RPS6KA2: variants seen among roughly 807,000 people sequenced by gnomAD.
RPS6KA2 encodes the protein ribosomal protein S6 kinase A2, also known as ribosomal protein S6 kinase alpha-2.
In RPS6KA2, 42 loss-of-function variants were observed where a neutral mutation model predicts 91.8. The ratio of observed to expected loss-of-function variants is 0.46; its 90% CI spans 0.36 to 0.59. The LOEUF (loss-of-function observed/expected upper bound fraction) is 0.59. Among genes scored for constraint, RPS6KA2 ranks in the 20% least tolerant of loss-of-function variants. The pLI, the probability that RPS6KA2 is intolerant of heterozygous loss-of-function variation, is 0.00. For missense variants in RPS6KA2, 798 were observed against 978.5 expected, an observed-to-expected ratio of 0.82 and a Z score of 2.46; for synonymous variants, 414 against 393.6, an observed-to-expected ratio of 1.05 and a Z score of -0.61.
At chr6:166,640,999 C>T (rs1418698185) in intron 2 of RPS6KA2, among the ~76,000 whole-genome samples, 1 of 152,216 alleles carries the variant, frequency 6.6e-6, no homozygotes, top group Non-Finnish European at 1.5e-5. Context: ...CCAAAATCCT[C>T]ACTGCTAGTA....
chr6:166,859,942 G>C (rs1781005038), intron 1 of RPS6KA2, among the ~76,000 whole-genome samples: 1 of 152,190 alleles, frequency 6.6e-6, no homozygotes, highest in Non-Finnish European at 1.5e-5. Flanking sequence ...GATGAGAAAA[G>C]CATGCAGGCT....
In RPS6KA2 at chr6:166,563,090, G is replaced by A. The variant is rs1395546098; in HGVS notation, c.100-24306C>T. ...AAGCTCTTCTAGCTTTTAGTCCTTG[G>A]AGTCCCTTCCAGTGTGTGGAAGAGA... On this transcript the variant is annotated intron_variant, in intron 1 of 20. Transcript: ENST00000265678. This position sits in a 1 kb window ranked among gnomAD's most constrained non-coding sequence, Gnocchi z 4.1. 1.3e-5 allele frequency among the ~76,000 whole-genome samples: 2 copies of A among 152,214 alleles called. No individual in the cohort carries two copies. The highest frequency in any genetic ancestry group is 2.4e-5 in the African/African-American group (1 of 41,464).
chr6:166,650,367 C>A (rs900959483), intron 2 of RPS6KA2, among the ~76,000 whole-genome samples: 1 of 151,642 alleles, frequency 6.6e-6, no homozygotes, highest in African/African-American at 2.4e-5. Context: ...AGGGGGCATT[C>A]TCCAGCTGTC....
chr6:166,628,080 G>T (rs1184139894), upstream of RPS6KA2: 1 of 152,278 alleles, frequency 6.6e-6, no homozygotes, highest in Non-Finnish European at 1.5e-5. Context: ...TCTAGGAAAC[G>T]TCTACACAGA....
intron 2 of RPS6KA2, among the ~76,000 whole-genome samples, chr6:166,806,398 C>G (rs1306937686): frequency 6.6e-6 from 1 of 152,172 alleles, no homozygotes; most frequent in Non-Finnish European, 1.5e-5. Context: ...TCATCACATA[C>G]AGAGGGATCC....
chr6:166,456,746 A>G (rs1050341334), intron 12 of RPS6KA2, among the ~76,000 whole-genome samples: 3 of 152,258 alleles, frequency 2.0e-5, no homozygotes, highest in Non-Finnish European at 4.4e-5. Context: ...ACTCTCCTGT[A>G]CAAATCAGAA....
intron 10 of RPS6KA2, among the ~76,000 whole-genome samples, chr6:166,483,141 G>A (rs1178156567): frequency 6.6e-6 from 1 of 152,214 alleles, no homozygotes; most frequent in East Asian, 1.9e-4. Context: ...GCCACACCAG[G>A]TAAGAGACCA....
At chr6:166,536,782 C>G (rs1234615955) in intron 2 of RPS6KA2, among the ~76,000 whole-genome samples, 1 of 152,138 alleles carries the variant, frequency 6.6e-6, no homozygotes, top group South Asian at 2.1e-4. Context: ...TTTCCCCTAC[C>G]TACTACTGTT....
chr6:166,492,693 A>T (rs542732641), intron 8 of RPS6KA2, among the ~76,000 whole-genome samples: 1 of 149,362 alleles, frequency 6.7e-6, no homozygotes, highest in South Asian at 2.1e-4. Flanking sequence ...TCTTGCATAC[A>T]TTTGTTTGGT....
At chr6:166,613,809 T>TTCAGGACACAGTCGGGCTTTC (rs1562341876) in intron 1 of RPS6KA2, among the ~76,000 whole-genome samples, 21 of 104,722 alleles carry the variant, frequency 2.0e-4, no homozygotes, top group Non-Finnish European at 2.9e-4. Flanking sequence ...GTCGGGCTTT[T>TTCAGGACACAGTCGGGCTTTC]CACGGCCTTC....
Position 166,626,449 on chromosome 6 carries a change from G to C in RPS6KA2, c.99+472C>G, listed in dbSNP as rs1786878599. ...CTACACTGACTTCAAGTGCACGAAT[G>C]AGCTACAAGATAAGGTGGAACCTGC... is the stretch of plus-strand genomic sequence containing the variant. On this transcript the variant is annotated intron_variant, in intron 1 of 20. Transcript: ENST00000265678. This position sits in a 1 kb window ranked among gnomAD's most constrained non-coding sequence, Gnocchi z 4.1. 6.6e-6 allele frequency among the ~76,000 whole-genome samples: 1 copy of C among 152,244 alleles called. No individual in the cohort carries two copies. Among genetic ancestry groups the C allele is most frequent in the Non-Finnish European group, 1.5e-5 (1 of 68,034 alleles).
chr6:166,591,277 C>T (rs1372015018), intron 1 of RPS6KA2, among the ~76,000 whole-genome samples: 2 of 152,188 alleles, frequency 1.3e-5, no homozygotes, highest in African/African-American at 2.4e-5. Context: ...CAGTGCCACA[C>T]TGGAGTGCCT....
intron 2 of RPS6KA2, among the ~76,000 whole-genome samples, chr6:166,837,010 G>A (rs542174318): frequency 3.9e-5 from 6 of 152,310 alleles, no homozygotes; most frequent in Non-Finnish European, 4.4e-5. Context: ...CCAGCACAGC[G>A]GGATTTCCAG....
chr6:166,594,766 C>A (rs1036940775), intron 1 of RPS6KA2, among the ~76,000 whole-genome samples: 44 of 152,164 alleles, frequency 2.9e-4, no homozygotes, highest in African/African-American at 9.9e-4. Flanking sequence ...CCAGCCCAAA[C>A]ACACAGATTT....
chr6:166,430,316 A>G (rs1779077686), intron 16 of RPS6KA2, 137 bp downstream of exon 16: 1 of 829,780 alleles, frequency 1.2e-6, no homozygotes, highest in African/African-American at 1.7e-5. Context: ...CTCCAGACAC[A>G]AGAGAGACGA....
Position 166,434,154 on chromosome 6 carries a change from G to A in RPS6KA2, c.1333-1664C>T, listed in dbSNP as rs548225591. ...CACCCTTCGTCCACTCCCCGTCACC[G>A]TTATAAAAACTCACCATAGTGCCAG... On this transcript the variant is annotated intron_variant, in intron 14 of 20. Coordinates refer to ENST00000265678, the MANE Select transcript of RPS6KA2 (RefSeq NM_021135.6). The surrounding 1 kb of genome is among the most constrained non-coding windows in gnomAD (Gnocchi z 4.4). Among the ~76,000 whole-genome samples the A allele has an allele frequency of 2.6e-5, 4 of 152,204 alleles. No individual in the cohort carries two copies. The highest frequency in any genetic ancestry group is 2.1e-4 in the South Asian group (1 of 4,818).
chr6:166,444,333 C>T (rs1392417027), intron 14 of RPS6KA2, among the ~76,000 whole-genome samples: 1 of 152,126 alleles, frequency 6.6e-6, no homozygotes, highest in African/African-American at 2.4e-5. Context: ...TGCAGCCATC[C>T]GTCATGCTAT....
chr6:166,457,603 C>T (rs567350535), intron 12 of RPS6KA2, among the ~76,000 whole-genome samples: 20 of 152,282 alleles, frequency 1.3e-4, no homozygotes, highest in East Asian at 5.8e-4. Context: ...ACTGAGCAGC[C>T]GGTGGCATGA....
chr6:166,689,718 A>G (rs1789144845), intron 2 of RPS6KA2, among the ~76,000 whole-genome samples: 1 of 152,138 alleles, frequency 6.6e-6, no homozygotes, highest in Non-Finnish European at 1.5e-5. Context: ...ATGTCCCCCT[A>G]TTTCATAGGC....
Sources: allele counts gnomAD v4.1 joint callset (sites outside exome capture counted in the v4.1 genomes callset), GRCh38; gene constraint gnomAD v4.1.1; non-coding constraint Gnocchi (gnomAD v3.1); transcripts MANE v1.5; gene names NCBI Gene and HGNC (gene_info 2026-07-23, HGNC 2026-07-21).